DISC1: variants seen among roughly 807,000 people sequenced by gnomAD.
DISC1 encodes disrupted in schizophrenia 1 protein.
In DISC1, 57 loss-of-function variants were observed where a neutral mutation model predicts 84.5. That is an observed-to-expected ratio of 0.67 (90% CI 0.55 to 0.84). The LOEUF (loss-of-function observed/expected upper bound fraction) is 0.84, where lower values mean the gene tolerates loss of function less well. Ranked by LOEUF, DISC1 falls within the 40% of genes least tolerant of loss-of-function variation. The pLI, the probability that DISC1 is intolerant of heterozygous loss-of-function variation, is 0.00. For missense variants in DISC1, 1,000 were observed against 1,057.8 expected, an observed-to-expected ratio of 0.95 and a Z score of 0.76; for synonymous variants, 411 against 415.2, an observed-to-expected ratio of 0.99 and a Z score of 0.12.
At chr1:231,763,700 C>A (rs898572089) in intron 4 of DISC1, among the ~76,000 whole-genome samples, 5 of 152,210 alleles carry the variant, frequency 3.3e-5, no homozygotes, top group African/African-American at 1.2e-4. Context: ...GGGGAAGAGT[C>A]TCCCCCAGCT....
At chr1:231,887,005 G>A (rs2086821401) in intron 9 of DISC1, among the ~76,000 whole-genome samples, 1 of 151,528 alleles carries the variant, frequency 6.6e-6, no homozygotes, top group African/African-American at 2.4e-5. Context: ...GGGACTATAG[G>A]TGTGCATCAC....
chr1:231,807,588 C>T (rs1045118680), intron 8 of DISC1, among the ~76,000 whole-genome samples: 1 of 152,202 alleles, frequency 6.6e-6, no homozygotes, highest in Non-Finnish European at 1.5e-5. Flanking sequence ...TCATCTCCTG[C>T]CCTGACTTCA....
chr1:231,999,754 C>T lies in DISC1; in HGVS notation c.2043-9031C>T, dbSNP rs549415601. 2.1e-4 allele frequency among the ~76,000 whole-genome samples: 32 copies of T among 152,262 alleles called. No homozygotes were observed. In the South Asian group the frequency reaches 6.6e-3, roughly 32 times the overall value. On this transcript the variant is annotated intron_variant, in intron 10 of 12. Coordinates refer to ENST00000439617, the MANE Select transcript of DISC1 (RefSeq NM_018662.3). ...AGGCCCCTTCTGCCTTCTGCCCCTT[C>T]AGCTAGCACCATCAGGGACCAGTGG...
At chr1:231,702,206 G>C in intron 3 of DISC1, 182 bp downstream of exon 3, 1 of 1,352,780 alleles carries the variant, frequency 7.4e-7, no homozygotes, top group Non-Finnish European at 9.5e-7. Context: ...AGTACTTCAT[G>C]AACATTAATC....
chr1:231,994,585 G>A (rs1234387715), intron 10 of DISC1, among the ~76,000 whole-genome samples: 1 of 152,160 alleles, frequency 6.6e-6, no homozygotes, highest in African/African-American at 2.4e-5. Flanking sequence ...TCATGAGGTT[G>A]TCTTGAAGAC....
intron 4 of DISC1, among the ~76,000 whole-genome samples, chr1:231,754,745 T>A (rs1458297593): frequency 3.3e-5 from 5 of 152,200 alleles, no homozygotes; most frequent in Non-Finnish European, 7.3e-5. Context: ...CATAAGGACA[T>A]CTCTTACATT....
At position 231,698,720 on chromosome 1, in the gene DISC1, A is replaced by G. The variant is rs1367512443; in HGVS notation, c.1048-3235A>G. Reference sequence around the variant, plus strand: ...ATTTCTTCAGCTTCTGTTCTAATAAATGTTTAATGATACCATCATTTGGGT... The same window carrying G: ...ATTTCTTCAGCTTCTGTTCTAATAAGTGTTTAATGATACCATCATTTGGGT... On this transcript the variant is annotated intron_variant, in intron 2 of 12. Coordinates refer to ENST00000439617, the MANE Select transcript of DISC1 (RefSeq NM_018662.3). The surrounding 1 kb of genome is among the most constrained non-coding windows in gnomAD (Gnocchi z 4.9). Among the ~76,000 whole-genome samples, 1 of 152,130 alleles carries G rather than the reference A, an allele frequency of 6.6e-6. No homozygotes were observed. The highest frequency in any genetic ancestry group is 6.5e-5 in the Admixed American group (1 of 15,268).
intron 4 of DISC1, among the ~76,000 whole-genome samples, chr1:231,759,338 G>C (rs1046782741): frequency 6.6e-6 from 1 of 151,900 alleles, no homozygotes; most frequent in African/African-American, 2.4e-5. Flanking sequence ...GAAAATAACT[G>C]TTACAGACAC....
intron 4 of DISC1, among the ~76,000 whole-genome samples, chr1:231,752,290 G>A (rs2074681365): frequency 6.6e-6 from 1 of 152,176 alleles, no homozygotes; most frequent in Non-Finnish European, 1.5e-5. Context: ...CATGATGGTA[G>A]CATCTGCTCA....
chr1:231,835,748 AT>A (rs2082584930), intron 9 of DISC1, among the ~76,000 whole-genome samples: 1 of 152,028 alleles, frequency 6.6e-6, no homozygotes, highest in African/African-American at 2.4e-5. Flanking sequence ...ATTTTTTCCT[AT>A]TTGTATGTGT....
chr1:231,979,073 C>A (rs1236198082), intron 10 of DISC1, among the ~76,000 whole-genome samples: 1 of 152,040 alleles, frequency 6.6e-6, no homozygotes, highest in East Asian at 1.9e-4. Context: ...GGAGCCTGAA[C>A]CCTATTGTAA....
chr1:231,811,822 G>T (rs1206400200), intron 8 of DISC1, among the ~76,000 whole-genome samples: 2 of 152,166 alleles, frequency 1.3e-5, no homozygotes, highest in Non-Finnish European at 2.9e-5. Context: ...TCTCGCATGG[G>T]ATCTTAGAAC....
chr1:231,803,804 T>C (rs2079473026), intron 8 of DISC1, among the ~76,000 whole-genome samples: 1 of 151,876 alleles, frequency 6.6e-6, no homozygotes, highest in Non-Finnish European at 1.5e-5. Flanking sequence ...AAAAATTAGC[T>C]AGGCGTCATG....
At chr1:231,863,153 G>A (rs7518988) in intron 9 of DISC1, among the ~76,000 whole-genome samples, 7,889 of 150,542 alleles carry the variant, frequency 0.052, 687 homozygotes, top group African/African-American at 0.18. Flanking sequence ...GGGTCTGCAG[G>A]CTCATTGCCA....
chr1:231,876,734 A>G (rs2085915003), intron 9 of DISC1, among the ~76,000 whole-genome samples: 1 of 152,256 alleles, frequency 6.6e-6, no homozygotes, highest in Admixed American at 6.5e-5. Flanking sequence ...TTCAGGGGCC[A>G]TAGCAGGCTG....
intron 6 of DISC1, among the ~76,000 whole-genome samples, chr1:231,794,659 C>T (rs564102222): frequency 2.6e-5 from 4 of 152,054 alleles, no homozygotes; most frequent in Admixed American, 2.6e-4. Flanking sequence ...ACTTAAGTTC[C>T]AGTGGGAGAG....
At chr1:231,792,467 G>A (rs997320851) in intron 6 of DISC1, among the ~76,000 whole-genome samples, 1 of 152,172 alleles carries the variant, frequency 6.6e-6, no homozygotes, top group Non-Finnish European at 1.5e-5. Context: ...TAATGCATGG[G>A]CTAGTCTTTG....
intron 4 of DISC1, among the ~76,000 whole-genome samples, chr1:231,761,982 G>T (rs985557617): frequency 1.3e-5 from 2 of 152,064 alleles, no homozygotes; most frequent in African/African-American, 4.8e-5. Context: ...AGTGCGTTTC[G>T]TTCCCACCGA....
At chr1:232,023,854 TG>T (rs1314970718) in intron 11 of DISC1, among the ~76,000 whole-genome samples, 4 of 152,262 alleles carry the variant, frequency 2.6e-5, no homozygotes, top group Middle Eastern at 3.4e-3. Context: ...GTATGATTTG[TG>T]GTTTCATGAC....
Sources: allele counts gnomAD v4.1 joint callset (sites outside exome capture counted in the v4.1 genomes callset), GRCh38; gene constraint gnomAD v4.1.1; non-coding constraint Gnocchi (gnomAD v3.1); transcripts MANE v1.5; gene names NCBI Gene and HGNC (gene_info 2026-07-23, HGNC 2026-07-21).